BMPR1B: variants seen among roughly 807,000 people sequenced by gnomAD.
BMPR1B encodes bone morphogenetic protein receptor type 1B, also known as bone morphogenetic protein receptor type-1B.
Under a neutral mutation model 59.1 loss-of-function variants are expected in BMPR1B, and 12 were observed. The ratio of observed to expected loss-of-function variants is 0.20; its 90% CI spans 0.13 to 0.33. BMPR1B has a LOEUF of 0.33. BMPR1B is among the 10% of genes least tolerant of loss of function. The pLI is 1.00. For synonymous variants in BMPR1B, 237 were observed against 207.3 expected (o/e 1.14, Z -1.23); for missense variants, 550 against 610.9 (o/e 0.90, Z 1.05).
intron 2 of BMPR1B, among the ~76,000 whole-genome samples, chr4:94,915,981 G>A (rs1002995193): frequency 4.6e-5 from 7 of 152,062 alleles, no homozygotes; most frequent in East Asian, 3.9e-4. Context: ...CTTTTGCCAC[G>A]TGACATGCTT....
At chr4:94,965,475 G>A (rs960510269) in intron 2 of BMPR1B, among the ~76,000 whole-genome samples, 1 of 152,084 alleles carries the variant, frequency 6.6e-6, no homozygotes, top group Non-Finnish European at 1.5e-5. Flanking sequence ...AAAGATGTAG[G>A]TATTCCAAAG....
chr4:95,057,237 C>G (rs749565331), intron 3 of BMPR1B, among the ~76,000 whole-genome samples: 1 of 152,002 alleles, frequency 6.6e-6, no homozygotes, highest in East Asian at 1.9e-4. Context: ...GCAGAGTTAA[C>G]TGACAGATGT....
At chr4:95,127,456 T>C (rs1732989259) in intron 8 of BMPR1B, among the ~76,000 whole-genome samples, 1 of 152,164 alleles carries the variant, frequency 6.6e-6, no homozygotes, top group Non-Finnish European at 1.5e-5. Flanking sequence ...AATTATAAAA[T>C]GTATTATCGT....
chr4:94,971,029 G>A (rs77603519), intron 2 of BMPR1B, among the ~76,000 whole-genome samples: 4,438 of 152,206 alleles, frequency 0.029, 204 homozygotes, highest in African/African-American at 0.1. Flanking sequence ...TACAACAATT[G>A]AAGCTTTTTT....
intron 2 of BMPR1B, among the ~76,000 whole-genome samples, chr4:94,886,668 C>T (rs1350764018): frequency 6.6e-6 from 1 of 152,212 alleles, no homozygotes; most frequent in Admixed American, 6.5e-5. Flanking sequence ...TAATAAATTT[C>T]TATTCAAAAA....
At chr4:94,879,003 A>T (rs970061203) in intron 2 of BMPR1B, among the ~76,000 whole-genome samples, 1 of 151,890 alleles carries the variant, frequency 6.6e-6, no homozygotes, top group African/African-American at 2.4e-5. Context: ...TAGATTTTTT[A>T]TTTTTTTATT....
intron 2 of BMPR1B, among the ~76,000 whole-genome samples, chr4:94,927,953 A>G (rs189971486): frequency 3.3e-5 from 5 of 152,212 alleles, no homozygotes; most frequent in Admixed American, 3.3e-4. Context: ...GGAGGATGAT[A>G]ACACCAAAGT....
At chr4:95,009,236 A>G (rs1723061191) in intron 3 of BMPR1B, among the ~76,000 whole-genome samples, 1 of 152,170 alleles carries the variant, frequency 6.6e-6, no homozygotes, top group African/African-American at 2.4e-5. Flanking sequence ...GAACATAAAC[A>G]TATTTTTCCG....
At chr4:94,961,658 T>TG (rs1257486068) in intron 2 of BMPR1B, among the ~76,000 whole-genome samples, 1 of 152,204 alleles carries the variant, frequency 6.6e-6, no homozygotes, top group Non-Finnish European at 1.5e-5. Flanking sequence ...ATCAAAAACT[T>TG]GCAGTGACTG....
At chr4:94,859,639 G>A (rs1197897505) in intron 1 of BMPR1B, among the ~76,000 whole-genome samples, 1 of 152,084 alleles carries the variant, frequency 6.6e-6, no homozygotes, top group Admixed American at 6.6e-5. Flanking sequence ...TCAGTGTAGG[G>A]TGGCAGTTTT....
intron 1 of BMPR1B, among the ~76,000 whole-genome samples, chr4:94,828,274 T>G (rs1430414830): frequency 1.3e-5 from 2 of 152,200 alleles, no homozygotes; most frequent in Non-Finnish European, 2.9e-5. Flanking sequence ...ATGAGATACA[T>G]GATTGAGTGA....
At chr4:94,853,069 G>A (rs1299732553) in intron 1 of BMPR1B, among the ~76,000 whole-genome samples, 1 of 152,072 alleles carries the variant, frequency 6.6e-6, no homozygotes, top group Non-Finnish European at 1.5e-5. Context: ...TCCAGACTCC[G>A]GGGACCTGCA....
chr4:95,088,263 C>G (rs549596246), intron 3 of BMPR1B, among the ~76,000 whole-genome samples: 51 of 152,234 alleles, frequency 3.4e-4, no homozygotes, highest in Non-Finnish European at 6.6e-4. Context: ...CAGCTAGAGT[C>G]TCCATGTCAT....
At chr4:95,011,318 CA>C (rs1396208623) in intron 3 of BMPR1B, among the ~76,000 whole-genome samples, 2 of 152,086 alleles carry the variant, frequency 1.3e-5, no homozygotes, top group Non-Finnish European at 1.5e-5. Flanking sequence ...TGAGAACATA[CA>C]GTATTTGGTT....
At chr4:94,908,366 A>G (rs1033549540) in intron 2 of BMPR1B, among the ~76,000 whole-genome samples, 1 of 151,460 alleles carries the variant, frequency 6.6e-6, no homozygotes, top group African/African-American at 2.4e-5. Flanking sequence ...TTCAGTAAGC[A>G]TTGTTTAAAC....
chr4:94,881,167 T>A (rs1448545169), intron 2 of BMPR1B, among the ~76,000 whole-genome samples: 3 of 152,188 alleles, frequency 2.0e-5, no homozygotes, highest in Non-Finnish European at 2.9e-5. Flanking sequence ...CATTTTCATC[T>A]TCTGCAACTG....
At chr4:94,936,640 TTTC>T (rs1729311281) in intron 2 of BMPR1B, among the ~76,000 whole-genome samples, 1 of 152,306 alleles carries the variant, frequency 6.6e-6, no homozygotes, top group South Asian at 2.1e-4. Flanking sequence ...TCTTGATCTG[TTTC>T]TTCTTGTTGA....
Position 95,131,251 on chromosome 4 carries a change from G to T in BMPR1B, c.815G>T (p.Trp272Leu). ...IAADIKGTGS[W>L]TQLYLITDYH... is the part of the protein sequence containing the mutation. The stretch of plus-strand genomic sequence containing the variant: ...GCAGATATCAAAGGGACAGGGTCCT[G>T]GACCCAGTTGTACCTAATCACAGAC... Residue 272 changes from tryptophan to leucine, a missense_variant, in exon 10 of 13, where the codon TGG becomes TTG. Trp to Leu is a moderately conservative substitution (Grantham distance 61, BLOSUM62 -2). Around this residue, in one of 6 missense-constraint regions of BMPR1B, gnomAD observed 318 missense variants for 284.6 expected, o/e 1.12. Coordinates refer to ENST00000515059, the MANE Select transcript of BMPR1B (RefSeq NM_001203.3). 1 of 1,613,842 alleles carries T rather than the reference G, an allele frequency of 6.2e-7. No homozygotes were observed. The highest frequency in any genetic ancestry group is 8.5e-7 in the Non-Finnish European group (1 of 1,179,920).
At chr4:95,152,911 A>G in intron 12 of BMPR1B, 138 bp downstream of exon 12, 2 of 1,125,374 alleles carry the variant, frequency 1.8e-6, no homozygotes, top group African/African-American at 1.6e-5. Flanking sequence ...GCAGTAATTT[A>G]TATGAAGATA....
Sources: allele counts gnomAD v4.1 joint callset (sites outside exome capture counted in the v4.1 genomes callset), GRCh38; gene constraint gnomAD v4.1.1; regional missense constraint gnomAD v4.1.1; transcripts MANE v1.5; gene names NCBI Gene and HGNC (gene_info 2026-07-23, HGNC 2026-07-21).